The following SDHA variants were observed in gnomAD, a reference collection of about 807,000 sequenced individuals.
SDHA encodes the protein succinate dehydrogenase complex flavoprotein subunit A.
SDHA carries 48 observed loss-of-function variants against 78.4 expected under a neutral mutation model. That is an observed-to-expected ratio of 0.61 (90% CI 0.49 to 0.78). SDHA has a LOEUF of 0.78. Ranked by LOEUF, SDHA falls within the 30% of genes least tolerant of loss-of-function variation. The pLI, the probability that SDHA is intolerant of heterozygous loss-of-function variation, is 0.00. For synonymous variants in SDHA, 326 were observed against 353.9 expected, an observed-to-expected ratio of 0.92 and a Z score of 0.88; for missense variants, 680 against 892.7, an observed-to-expected ratio of 0.76 and a Z score of 3.04.
chr5:231,186 C>T (rs2288455), intron 7 of SDHA, among the ~76,000 whole-genome samples, 186 bp downstream of exon 7: 36,572 of 152,088 alleles, frequency 0.24, 6,849 homozygotes, highest in African/African-American at 0.52. Flanking sequence ...TCCCCTTCCC[C>T]TAAGGCAGTT....
intron 10 of SDHA, among the ~76,000 whole-genome samples, chr5:238,194 A>G (rs972459854): frequency 6.6e-6 from 1 of 152,062 alleles, no homozygotes; most frequent in Non-Finnish European, 1.5e-5. Flanking sequence ...CATTCTGGAA[A>G]AGGCACATCT....
chr5:258,144 T>C (rs1478891305), downstream of SDHA, among the ~76,000 whole-genome samples: 9 of 62,880 alleles, frequency 1.4e-4, no homozygotes, highest in African/African-American at 7.7e-4. Flanking sequence ...TCCGCCCCCG[T>C]TAGAGCATTA....
intron 11 of SDHA, among the ~76,000 whole-genome samples, chr5:242,703 C>T (rs1356449643): frequency 2.0e-5 from 3 of 152,084 alleles, no homozygotes; most frequent in African/African-American, 7.2e-5. Context: ...GTCACCGGAG[C>T]GATGGAGAAC....
downstream of SDHA, among the ~76,000 whole-genome samples, chr5:258,961 C>T (rs375179895): frequency 6.0e-5 from 1 of 16,782 alleles, no homozygotes; most frequent in East Asian, 8.3e-4. Flanking sequence ...GCCTCCCGTC[C>T]GAGCATTACC....
intron 11 of SDHA, among the ~76,000 whole-genome samples, chr5:242,564 C>T (rs1736210087): frequency 6.6e-6 from 1 of 152,180 alleles, no homozygotes; most frequent in Non-Finnish European, 1.5e-5. Flanking sequence ...CCCTGATTTC[C>T]CACTCCACAC....
chr5:261,745 G>C (rs1424851116), downstream of SDHA, among the ~76,000 whole-genome samples: 16 of 16,754 alleles, frequency 9.5e-4, 1 homozygote, highest in South Asian at 1.9e-3. Context: ...CCTCCCGGCA[G>C]AGCATTACCG....
chr5:248,272 C>T (rs1182156569), intron 11 of SDHA, among the ~76,000 whole-genome samples: 2 of 152,182 alleles, frequency 1.3e-5, no homozygotes, highest in Non-Finnish European at 2.9e-5. Flanking sequence ...CATGTCAAGA[C>T]TGATGCTGAG....
chr5:240,049 G>A (rs1435463360), intron 10 of SDHA, among the ~76,000 whole-genome samples: 4 of 152,186 alleles, frequency 2.6e-5, no homozygotes, highest in East Asian at 1.9e-4. Context: ...GATTACAGGC[G>A]TGAGCCACCG....
intron 10 of SDHA, among the ~76,000 whole-genome samples, 158 bp downstream of exon 10, chr5:236,757 A>G (rs1056184842): frequency 5.9e-5 from 9 of 152,000 alleles, no homozygotes; most frequent in Non-Finnish European, 1.3e-4. Flanking sequence ...CAACACCTCA[A>G]CCTTCAGAGT....
intron 11 of SDHA, among the ~76,000 whole-genome samples, chr5:245,963 T>TAATC (rs1736423676): frequency 2.0e-5 from 3 of 152,124 alleles, no homozygotes; most frequent in African/African-American, 7.2e-5. Context: ...ATGCCATGAG[T>TAATC]AATCTATTTT....
At chr5:235,752 A>G (rs1184841916) in intron 9 of SDHA, 1 of 332,868 alleles carries the variant, frequency 3.0e-6, no homozygotes, top group African/African-American at 2.2e-5. Flanking sequence ...GAAGAGGTGA[A>G]CGGGGTAGAA....
chr5:247,959 G>A (rs1471642527), intron 11 of SDHA, among the ~76,000 whole-genome samples: 3 of 151,862 alleles, frequency 2.0e-5, no homozygotes, highest in Non-Finnish European at 2.9e-5. Context: ...GGAAAACAGG[G>A]ACTACGGGAC....
the SDHA span, among the ~76,000 whole-genome samples, chr5:264,029 CCA>C: frequency 1.3e-5 from 2 of 152,052 alleles, no homozygotes; most frequent in Admixed American, 1.3e-4. Flanking sequence ...GAACTCAGTA[CCA>C]GAAGGAGGGA....
At chr5:241,430 C>T (rs1164203324) in intron 11 of SDHA, among the ~76,000 whole-genome samples, 1 of 152,180 alleles carries the variant, frequency 6.6e-6, no homozygotes, top group East Asian at 1.9e-4. Context: ...TAAATATACT[C>T]GGAAGAGAGG....
chr5:232,031 C>CATAT (rs376602915), intron 7 of SDHA, among the ~76,000 whole-genome samples: 3 of 151,816 alleles, frequency 2.0e-5, no homozygotes, highest in African/African-American at 7.3e-5. Context: ...CAGACACACA[C>CATAT]CTGCCTCTTG....
intron 1 of SDHA, 101 bp from the exon 2 acceptor site, chr5:223,381 C>T: frequency 1.3e-5 from 11 of 877,744 alleles, no homozygotes; most frequent in Non-Finnish European, 2.1e-5. Flanking sequence ...CACCTGGGTA[C>T]ATAAGAAGGT....
Position 228,341 on chromosome 5 carries a change from T to G in SDHA, c.770+8T>G, listed in dbSNP as rs1735180670. ...CACTGTTGTTGCCACAGGGTAGGAA[T>G]CTCATTTCTACTTTATTTTGTTTAT... On this transcript the variant is annotated splice_region_variant and intron_variant, in intron 6 of 14. Coordinates refer to ENST00000264932, the MANE Select transcript of SDHA (RefSeq NM_004168.4). The G allele has an allele frequency of 6.2e-7, 1 of 1,612,934 alleles. No individual in the cohort carries two copies. Among genetic ancestry groups the G allele is most frequent in the South Asian group, 1.1e-5 (1 of 91,034 alleles).
intron 2 of SDHA, among the ~76,000 whole-genome samples, chr5:224,081 AAGCATAGGCACG>A (rs1306995528): frequency 6.6e-6 from 1 of 152,060 alleles, no homozygotes; most frequent in Non-Finnish European, 1.5e-5. Context: ...TCTCAGGCAT[AAGCATAGGCACG>A]GCCCTGAAGT....
chr5:228,076 C>G lies in SDHA; in HGVS notation c.622-109C>G, dbSNP rs766575870. On this transcript the variant is annotated intron_variant, in intron 5 of 14. Transcript: ENST00000264932. ...CTGTTGCTGATCTCCTTGGATTTAC[C>G]TGGTCCATTTGGATCAAGTTCTTTC... The G allele has an allele frequency of 4.7e-4, 512 of 1,088,090 alleles. 2 individuals are homozygous for G. Among genetic ancestry groups the G allele is most frequent in the Admixed American group, 1.1e-3 (58 of 53,738 alleles). 67.4% of individuals were successfully genotyped at this position (1,088,090 alleles called of 1,614,324 possible). A position where few individuals can be genotyped will look rare whatever the true frequency, so the allele number is the denominator to read the frequency against.
Sources: gnomAD v4.1 joint callset for allele counts (sites outside exome capture counted in the v4.1 genomes callset) on GRCh38, gnomAD v4.1.1 for gene constraint, MANE v1.5 for transcripts, NCBI Gene and HGNC (gene_info 2026-07-23, HGNC 2026-07-21) for gene names.